The following POU6F2 variants were observed in gnomAD, a reference collection of about 807,000 sequenced individuals.
POU6F2 encodes the protein POU class 6 homeobox 2.
POU6F2 carries 31 observed loss-of-function variants against 71.3 expected under a neutral mutation model. The ratio of observed to expected loss-of-function variants is 0.43; its 90% CI spans 0.33 to 0.59. The LOEUF is 0.59. Among genes scored for constraint, POU6F2 ranks in the 20% least tolerant of loss-of-function variants. The probability of loss-of-function intolerance (pLI) is 0.04; values close to 1 mark genes in which losing one functional copy is unlikely to be tolerated. For synonymous variants in POU6F2, 347 were observed against 355.7 expected (o/e 0.98, Z 0.27); for missense variants, 783 against 856.8 (o/e 0.91, Z 1.07).
intron 2 of POU6F2, among the ~76,000 whole-genome samples, chr7:39,118,959 C>T (rs1383649788): frequency 6.6e-6 from 1 of 152,168 alleles, no homozygotes; most frequent in East Asian, 1.9e-4. Context: ...GCCATGTGTC[C>T]AGCCAATCTA....
chr7:39,443,545 G>C (rs927339562), intron 7 of POU6F2, among the ~76,000 whole-genome samples: 2 of 152,204 alleles, frequency 1.3e-5, no homozygotes, highest in Non-Finnish European at 2.9e-5. Context: ...TGGTAGAAAT[G>C]AATGAATGAC....
At chr7:39,202,890 A>T (rs1249166100) in intron 2 of POU6F2, among the ~76,000 whole-genome samples, 1 of 152,260 alleles carries the variant, frequency 6.6e-6, no homozygotes, top group Non-Finnish European at 1.5e-5. Context: ...AAATTTCAAT[A>T]GAATGCTTGT....
chr7:39,222,245 G>C (rs2128748624), intron 4 of POU6F2, among the ~76,000 whole-genome samples: 1 of 152,260 alleles, frequency 6.6e-6, no homozygotes, highest in South Asian at 2.1e-4. Context: ...ATTTCTGAAA[G>C]TTCCAGAAAA....
rs1789070159 is a variant in POU6F2 at position 39,466,286 on chromosome 7, T to TAC, written c.*1601_*1602insCA. ...ATGAGAACTAGAGGATTATTTCCTT[T>TAC]AAAAAAAATAACTTAAAAGATCTGT... On this transcript the variant is annotated 3_prime_UTR_variant, in exon 10 of 10. Transcript: ENST00000518318. 6.6e-6 allele frequency: 1 copy of TAC among 151,722 alleles called. No homozygotes were observed. Among genetic ancestry groups the TAC allele is most frequent in the Non-Finnish European group, 1.5e-5 (1 of 67,932 alleles). 9.4% of individuals were successfully genotyped at this position (151,722 alleles called of 1,614,324 possible). A position where few individuals can be genotyped will look rare whatever the true frequency, so the allele number is the denominator to read the frequency against.
intron 4 of POU6F2, among the ~76,000 whole-genome samples, chr7:39,305,889 C>T (rs1324887990): frequency 6.6e-6 from 1 of 152,204 alleles, no homozygotes; most frequent in Non-Finnish European, 1.5e-5. Context: ...ACTAAATTTA[C>T]TCTTAGAAAA....
intron 8 of POU6F2, among the ~76,000 whole-genome samples, chr7:39,451,907 G>A (rs1788671386): frequency 6.6e-6 from 1 of 152,150 alleles, no homozygotes; most frequent in Non-Finnish European, 1.5e-5. Flanking sequence ...GGTCCCCAAA[G>A]CACACTCCCT....
At chr7:39,096,500 C>T (rs1791456728) in intron 2 of POU6F2, among the ~76,000 whole-genome samples, 1 of 152,276 alleles carries the variant, frequency 6.6e-6, no homozygotes, top group Admixed American at 6.5e-5. Flanking sequence ...ATGCTTCTAT[C>T]ATCTTTCTGT....
chr7:39,446,359 C>T (rs1788523761), intron 7 of POU6F2, among the ~76,000 whole-genome samples: 1 of 152,202 alleles, frequency 6.6e-6, no homozygotes, highest in African/African-American at 2.4e-5. Context: ...TATTTAATCC[C>T]ATTTGAATTT....
At chr7:39,265,747 C>T (rs1784227462) in intron 4 of POU6F2, among the ~76,000 whole-genome samples, 1 of 152,178 alleles carries the variant, frequency 6.6e-6, no homozygotes, top group Non-Finnish European at 1.5e-5. Flanking sequence ...ACATCAATTA[C>T]AACCAGTTTT....
intron 6 of POU6F2, among the ~76,000 whole-genome samples, chr7:39,424,357 A>G (rs918252892): frequency 1.3e-5 from 2 of 152,240 alleles, no homozygotes; most frequent in Admixed American, 1.3e-4. Context: ...TTTCTAGTTG[A>G]GTAAAAAGTA....
intron 1 of POU6F2, among the ~76,000 whole-genome samples, chr7:38,982,406 T>C (rs1788344070): frequency 6.6e-6 from 1 of 152,160 alleles, no homozygotes; most frequent in Non-Finnish European, 1.5e-5. Context: ...TTATACATAC[T>C]GGTGCTAGTA....
At chr7:39,352,026 T>C (rs186741227) in intron 5 of POU6F2, among the ~76,000 whole-genome samples, 1 of 152,308 alleles carries the variant, frequency 6.6e-6, no homozygotes, top group Admixed American at 6.5e-5. Context: ...CTCTGACCTT[T>C]CTTGTAGCTT....
chr7:39,170,500 A>G (rs1442433723), intron 2 of POU6F2, among the ~76,000 whole-genome samples: 2 of 152,168 alleles, frequency 1.3e-5, no homozygotes. Flanking sequence ...CAGTATTGCA[A>G]TATCATTATA....
intron 1 of POU6F2, among the ~76,000 whole-genome samples, chr7:39,052,853 T>A (rs1790424444): frequency 1.3e-5 from 2 of 152,170 alleles, no homozygotes; most frequent in African/African-American, 4.8e-5. Flanking sequence ...AGAACCACAC[T>A]GGACCTTGGC....
chr7:39,364,529 T>C (rs1786458603), intron 5 of POU6F2, among the ~76,000 whole-genome samples: 1 of 152,236 alleles, frequency 6.6e-6, no homozygotes, highest in African/African-American at 2.4e-5. Flanking sequence ...TGCTTTTCCA[T>C]TCCTGAGTTA....
chr7:39,097,768 A>G (rs1791483998), intron 2 of POU6F2, among the ~76,000 whole-genome samples: 1 of 152,212 alleles, frequency 6.6e-6, no homozygotes, highest in African/African-American at 2.4e-5. Context: ...ACTGAAAGGT[A>G]TACTGAAGAT....
chr7:39,005,515 T>TGTGTGTGTGTGTGTGTGTG (rs1562664683), intron 1 of POU6F2, among the ~76,000 whole-genome samples: 5 of 151,048 alleles, frequency 3.3e-5, no homozygotes, highest in South Asian at 2.1e-4. Flanking sequence ...TGTGTGTGTG[T>TGTGTGTGTGTGTGTGTGTG]TTATGTTGTG....
chr7:39,403,193 A>C (rs1266000539), intron 5 of POU6F2, among the ~76,000 whole-genome samples: 1 of 152,190 alleles, frequency 6.6e-6, no homozygotes, highest in Non-Finnish European at 1.5e-5. Context: ...AACTACTTCA[A>C]AAAATTATTC....
At chr7:39,018,092 A>G (rs897896047) in intron 1 of POU6F2, among the ~76,000 whole-genome samples, 3 of 152,108 alleles carry the variant, frequency 2.0e-5, no homozygotes, top group Non-Finnish European at 4.4e-5. Flanking sequence ...TGTGTTAAAT[A>G]TAGAATTTGT....
Sources: allele counts gnomAD v4.1 joint callset (sites outside exome capture counted in the v4.1 genomes callset), GRCh38; gene constraint gnomAD v4.1.1; transcripts MANE v1.5; gene names NCBI Gene and HGNC (gene_info 2026-07-23, HGNC 2026-07-21).